COL6A5: variants seen among roughly 807,000 people sequenced by gnomAD.
The protein encoded by COL6A5 is collagen type VI alpha 5 chain.
A neutral mutation model predicts 65.6 loss-of-function variants in COL6A5; 48 were observed. The ratio of observed to expected loss-of-function variants is 0.73; its 90% CI spans 0.58 to 0.93. The LOEUF (loss-of-function observed/expected upper bound fraction) is 0.93. COL6A5 is among the 40% of genes least tolerant of loss of function. The probability of loss-of-function intolerance (pLI) is 0.00; values close to 1 mark genes in which losing one functional copy is unlikely to be tolerated. For missense variants in COL6A5, 914 were observed against 928.3 expected, an observed-to-expected ratio of 0.98 and a Z score of 0.20; for synonymous variants, 291 against 322.8, an observed-to-expected ratio of 0.90 and a Z score of 1.05.
chr3:130,418,573 G>A (rs922364822), intron 24 of COL6A5, among the ~76,000 whole-genome samples: 1 of 152,080 alleles, frequency 6.6e-6, no homozygotes, highest in African/African-American at 2.4e-5. Flanking sequence ...TGTTGGATAG[G>A]CAAATGCATC....
At chr3:130,472,855 A>G (rs1709991266) in intron 7 of COL6A5, among the ~76,000 whole-genome samples, 1 of 144,804 alleles carries the variant, frequency 6.9e-6, no homozygotes, top group African/African-American at 2.5e-5. Flanking sequence ...ATATATATAT[A>G]TATACACATT....
intron 1 of COL6A5, among the ~76,000 whole-genome samples, chr3:130,347,354 T>C (rs550719276): frequency 2.6e-5 from 4 of 151,128 alleles, no homozygotes; most frequent in Non-Finnish European, 5.9e-5. Flanking sequence ...ACAATGATTT[T>C]ATATTTAATT....
chr3:130,409,821 A>G (rs1482648836), intron 18 of COL6A5, among the ~76,000 whole-genome samples, 188 bp from the exon 19 acceptor site: 2 of 152,162 alleles, frequency 1.3e-5, no homozygotes, highest in Non-Finnish European at 2.9e-5. Flanking sequence ...TTTATTGCCA[A>G]ATCTTCTTCA....
intron 7 of COL6A5, among the ~76,000 whole-genome samples, chr3:130,475,044 A>T (rs1349274971): frequency 6.7e-5 from 10 of 150,080 alleles, no homozygotes; most frequent in Non-Finnish European, 1.2e-4. Flanking sequence ...AAAGAAAAGA[A>T]AAGAAAAAGA....
At chr3:130,389,838 A>G (rs569249045) in intron 6 of COL6A5, among the ~76,000 whole-genome samples, 2 of 152,262 alleles carry the variant, frequency 1.3e-5, no homozygotes, top group African/African-American at 2.4e-5. Context: ...CCACACATAG[A>G]CTAAAACACC....
At chr3:130,362,805 G>A (rs1036322135) in intron 1 of COL6A5, among the ~76,000 whole-genome samples, 1 of 152,056 alleles carries the variant, frequency 6.6e-6, no homozygotes, top group Non-Finnish European at 1.5e-5. Context: ...TAACTTCCCT[G>A]GCTCTGAAGT....
intron 7 of COL6A5, among the ~76,000 whole-genome samples, chr3:130,475,348 A>G (rs568343040): frequency 4.6e-5 from 7 of 152,108 alleles, no homozygotes; most frequent in African/African-American, 1.7e-4. Flanking sequence ...GATAAAGAAA[A>G]AAAATATTGA....
At chr3:130,444,381 A>G (rs1709259701) in intron 4 of COL6A5, among the ~76,000 whole-genome samples, 1 of 152,152 alleles carries the variant, frequency 6.6e-6, no homozygotes, top group Non-Finnish European at 1.5e-5. Flanking sequence ...GGAAGTGAGA[A>G]GTGTCCATGA....
intron 25 of COL6A5, among the ~76,000 whole-genome samples, chr3:130,419,910 A>T (rs1436013194): frequency 1.3e-5 from 2 of 152,146 alleles, no homozygotes; most frequent in East Asian, 3.9e-4. Flanking sequence ...AGAAAAAAAT[A>T]GTAAATAAAC....
At position 130,389,881 on chromosome 3, in the gene COL6A5, G is replaced by A. The variant is rs562909680; in HGVS notation, c.2416+747G>A. Among the ~76,000 whole-genome samples the A allele has an allele frequency of 2.4e-3, 370 of 152,176 alleles. 1 individual carries two copies. The highest frequency in any genetic ancestry group is 4.2e-3 in the Non-Finnish European group (285 of 67,998). On this transcript the variant is annotated intron_variant and NMD_transcript_variant, in intron 6 of 41. Transcript: ENST00000312481. ...TTAAATCTATCATGTGCTATTTTCT[G>A]TGTTTTGGATACAACTAAGAAAACA...
At chr3:130,390,029 A>G (rs1256770247) in intron 6 of COL6A5, among the ~76,000 whole-genome samples, 2 of 152,138 alleles carry the variant, frequency 1.3e-5, no homozygotes, top group African/African-American at 4.8e-5. Context: ...ATAAACACTT[A>G]AGTGTTAGGT....
chr3:130,421,514 C>A (rs571984922), intron 27 of COL6A5, among the ~76,000 whole-genome samples, 154 bp downstream of exon 27: 1 of 152,138 alleles, frequency 6.6e-6, no homozygotes, highest in African/African-American at 2.4e-5. Context: ...TCATATTTAA[C>A]CCCTGTGAAT....
At chr3:130,368,676 T>C (rs1559861366) in intron 1 of COL6A5, among the ~76,000 whole-genome samples, 1 of 151,936 alleles carries the variant, frequency 6.6e-6, no homozygotes, top group African/African-American at 2.4e-5. Flanking sequence ...TCCAGGTGGC[T>C]AGAATGAGTG....
intron 1 of COL6A5, among the ~76,000 whole-genome samples, chr3:130,364,400 G>A (rs1356123687): frequency 6.6e-6 from 1 of 152,154 alleles, no homozygotes; most frequent in Non-Finnish European, 1.5e-5. Context: ...CCCCAAAGTA[G>A]AAGAAAACAT....
At chr3:130,481,208 C>A (rs1013148278) in intron 7 of COL6A5, among the ~76,000 whole-genome samples, 1 of 151,108 alleles carries the variant, frequency 6.6e-6, no homozygotes, top group Non-Finnish European at 1.5e-5. Context: ...CCCCCCACCC[C>A]CCGACAAGCC....
At chr3:130,410,595 G>A in intron 20 of COL6A5, 71 bp downstream of exon 20, 1 of 1,285,768 alleles carries the variant, frequency 7.8e-7, no homozygotes, top group South Asian at 1.3e-5. Flanking sequence ...CAGAATATTT[G>A]TTGTGCACAG....
intron 1 of COL6A5, among the ~76,000 whole-genome samples, chr3:130,432,312 C>G (rs554972405): frequency 6.6e-6 from 1 of 151,982 alleles, no homozygotes; most frequent in Non-Finnish European, 1.5e-5. Context: ...CCCAGAACTT[C>G]GGGAGGCCAA....
At chr3:130,421,965 A>T (rs1486587147) in intron 27 of COL6A5, among the ~76,000 whole-genome samples, 1 of 152,116 alleles carries the variant, frequency 6.6e-6, no homozygotes, top group Non-Finnish European at 1.5e-5. Context: ...ATACATTGGA[A>T]TTCTGTAAAA....
exon 1 of COL6A5, chr3:130,345,786 A>C (rs75868828): frequency 0.011 from 4,362 of 398,654 alleles, 44 homozygotes; most frequent in South Asian, 0.083. Context: ...TCGCTGCGGG[A>C]ATCCACCTGC....
Sources: allele counts gnomAD v4.1 joint callset (sites outside exome capture counted in the v4.1 genomes callset), GRCh38; gene constraint gnomAD v4.1.1; transcripts MANE v1.5; gene names NCBI Gene and HGNC (gene_info 2026-07-23, HGNC 2026-07-21).